Variants in ZNF521 observed in about 807,000 individuals in gnomAD.
The protein encoded by ZNF521 is LYST-interacting protein 3.
In ZNF521, 14 loss-of-function variants were observed where a neutral mutation model predicts 105.5. That is an observed-to-expected ratio of 0.13 (90% confidence interval 0.09 to 0.21). The LOEUF (loss-of-function observed/expected upper bound fraction) is 0.21, where lower values mean the gene tolerates loss of function less well. ZNF521 is among the 10% of genes least tolerant of loss of function. The pLI, the probability that ZNF521 is intolerant of heterozygous loss-of-function variation, is 1.00. For missense variants in ZNF521, 1,233 were observed against 1,629.7 expected, an observed-to-expected ratio of 0.76 and a Z score of 4.19; for synonymous variants, 635 against 606.0, an observed-to-expected ratio of 1.05 and a Z score of -0.70.
In ZNF521 at chr18:25,099,793, G is replaced by A. The variant is rs953990572; in HGVS notation, c.3659-7712C>T. Among the ~76,000 whole-genome samples, 4 of 152,062 alleles carry A rather than the reference G, an allele frequency of 2.6e-5. No individual in the cohort carries two copies. In the South Asian group the frequency reaches 8.3e-4, roughly 31 times the overall value. ...TAATGCCCTTACATCTGGGACTTCC[G>A]GCAGTAGTGGAAGTACAGGTATATT... On this transcript the variant is annotated intron_variant, in intron 5 of 7. Coordinates refer to ENST00000361524, the MANE Select transcript of ZNF521 (RefSeq NM_015461.3).
intron 2 of ZNF521, chr18:25,327,621 T>G (rs1011223092): frequency 1.9e-6 from 1 of 535,204 alleles, no homozygotes; most frequent in Non-Finnish European, 3.6e-6. Flanking sequence ...GCCTTCCTGG[T>G]TTGCAAAAAC....
At chr18:25,160,431 G>A (rs1176167780) in intron 5 of ZNF521, among the ~76,000 whole-genome samples, 1 of 152,154 alleles carries the variant, frequency 6.6e-6, no homozygotes, top group African/African-American at 2.4e-5. Flanking sequence ...TGATTAAAGG[G>A]CTCTTTTTAG....
chr18:25,156,377 G>A (rs2035145232), intron 5 of ZNF521, among the ~76,000 whole-genome samples: 1 of 152,086 alleles, frequency 6.6e-6, no homozygotes, highest in African/African-American at 2.4e-5. Context: ...TTCTGTGTGG[G>A]GGATTTCACT....
chr18:25,337,943 T>C (rs1281756164), intron 2 of ZNF521, among the ~76,000 whole-genome samples: 1 of 152,136 alleles, frequency 6.6e-6, no homozygotes, highest in Non-Finnish European at 1.5e-5. Flanking sequence ...CATAAGTGCT[T>C]ATATGGAAGG....
At chr18:25,216,617 G>A (rs904319705) in intron 4 of ZNF521, among the ~76,000 whole-genome samples, 5 of 152,114 alleles carry the variant, frequency 3.3e-5, no homozygotes, top group African/African-American at 1.2e-4. Flanking sequence ...GGAGTACAAC[G>A]ATGCTATCAC....
intron 5 of ZNF521, among the ~76,000 whole-genome samples, chr18:25,098,330 A>G (rs999002041): frequency 6.6e-6 from 1 of 152,116 alleles, no homozygotes; most frequent in Non-Finnish European, 1.5e-5. Context: ...TAGCTCCTCT[A>G]GTTCCTTCTT....
intron 3 of ZNF521, among the ~76,000 whole-genome samples, chr18:25,278,835 T>C (rs1910197834): frequency 6.6e-6 from 1 of 152,228 alleles, no homozygotes; most frequent in South Asian, 2.1e-4. Flanking sequence ...TGTGAATAGT[T>C]ATTATAAAGT....
intron 3 of ZNF521, among the ~76,000 whole-genome samples, chr18:25,316,347 A>G (rs1012858910): frequency 6.7e-6 from 1 of 149,238 alleles, no homozygotes; most frequent in Non-Finnish European, 1.5e-5. Flanking sequence ...AAAGGAAAGA[A>G]AAAAGTAATA....
intron 5 of ZNF521, among the ~76,000 whole-genome samples, chr18:25,172,641 T>C (rs1419923178): frequency 6.6e-6 from 1 of 152,200 alleles, no homozygotes; most frequent in Non-Finnish European, 1.5e-5. Flanking sequence ...TAGACATTAC[T>C]AAATGCGTTT....
chr18:25,171,426 T>C (rs1303832674), intron 5 of ZNF521, among the ~76,000 whole-genome samples: 2 of 152,140 alleles, frequency 1.3e-5, no homozygotes, highest in African/African-American at 4.8e-5. Flanking sequence ...ATATCAAATA[T>C]GTGTTATGAT....
chr18:25,283,933 C>CA (rs1555657973), intron 3 of ZNF521, among the ~76,000 whole-genome samples: 143 of 133,330 alleles, frequency 1.1e-3, no homozygotes, highest in Non-Finnish European at 1.7e-3. Context: ...CCCCCCCCCC[C>CA]AAAAAAATTC....
chr18:25,215,732 G>A (rs1295074742), intron 4 of ZNF521, among the ~76,000 whole-genome samples: 1 of 152,180 alleles, frequency 6.6e-6, no homozygotes, highest in Non-Finnish European at 1.5e-5. Flanking sequence ...ATCTAGGAAT[G>A]GTAGATGCAG....
intron 2 of ZNF521, among the ~76,000 whole-genome samples, chr18:25,347,618 CT>C (rs1167628779): frequency 4.9e-4 from 75 of 152,114 alleles, no homozygotes; most frequent in African/African-American, 1.8e-3. Context: ...CTGAAGTTTC[CT>C]ACAAACAAAA....
chr18:25,342,618 C>T (rs558095579), intron 2 of ZNF521, among the ~76,000 whole-genome samples: 5 of 150,158 alleles, frequency 3.3e-5, no homozygotes, highest in African/African-American at 7.3e-5. Context: ...TTAGTAGAGA[C>T]GGGGTTTCAC....
chr18:25,341,088 T>C (rs1231365515), intron 2 of ZNF521, among the ~76,000 whole-genome samples: 3 of 152,144 alleles, frequency 2.0e-5, no homozygotes, highest in Non-Finnish European at 4.4e-5. Context: ...CTCACATCTT[T>C]GAACACGAAG....
chr18:25,127,486 G>A (rs565944720), intron 5 of ZNF521, among the ~76,000 whole-genome samples: 3 of 151,988 alleles, frequency 2.0e-5, no homozygotes, highest in South Asian at 2.1e-4. Context: ...TAATGCTTTC[G>A]TTAAAAAAGG....
At chr18:25,267,999 T>A (rs1230212492) in intron 3 of ZNF521, among the ~76,000 whole-genome samples, 2 of 152,204 alleles carry the variant, frequency 1.3e-5, no homozygotes, top group Non-Finnish European at 2.9e-5. Context: ...TAAAGGAGCA[T>A]GTTCTAACCC....
chr18:25,251,991 G>A (rs902835963), intron 3 of ZNF521, among the ~76,000 whole-genome samples: 1 of 152,028 alleles, frequency 6.6e-6, no homozygotes, highest in African/African-American at 2.4e-5. Flanking sequence ...ATTTCTACTT[G>A]TACCGTTTTC....
intron 3 of ZNF521, among the ~76,000 whole-genome samples, chr18:25,236,604 A>G (rs989632693): frequency 1.3e-5 from 2 of 152,164 alleles, no homozygotes; most frequent in African/African-American, 4.8e-5. Flanking sequence ...ATGCATAAGA[A>G]AGACTCTACA....
Sources: allele counts gnomAD v4.1 joint callset (sites outside exome capture counted in the v4.1 genomes callset), GRCh38; gene constraint gnomAD v4.1.1; transcripts MANE v1.5; gene names NCBI Gene and HGNC (gene_info 2026-07-23, HGNC 2026-07-21).